The following PLAC1 variants were observed in gnomAD, a reference collection of about 807,000 sequenced individuals.
PLAC1 encodes the protein placenta associated 1.
For missense variants in PLAC1, 136 were observed against 163.2 expected (o/e 0.83, Z 0.91); for synonymous variants, 68 against 62.1 (o/e 1.09, Z -0.44).
intron 2 of PLAC1, among the ~76,000 whole-genome samples, chrX:134,575,012 C>G (rs769690043): frequency 1.0e-3 from 114 of 111,436 alleles, no homozygotes; most frequent in Middle Eastern, 4.6e-3. Flanking sequence ...TACACAGATA[C>G]AGAAATCAGA....
chrX:134,588,288 T>C (rs746127576), intron 2 of PLAC1, among the ~76,000 whole-genome samples: 1 of 57,043 alleles, frequency 1.8e-5, no homozygotes, highest in East Asian at 4.5e-4. Context: ...TAGAACTCTT[T>C]ATTTTATTTA....
chrX:134,638,923 C>A (rs762597958), intron 1 of PLAC1, among the ~76,000 whole-genome samples: 4 of 111,123 alleles, frequency 3.6e-5, no homozygotes, highest in Admixed American at 9.6e-5. Flanking sequence ...TTTTTTGATC[C>A]TCACACTCCT....
At chrX:134,714,179 C>T (rs2078636561) in intron 2 of PLAC1, among the ~76,000 whole-genome samples, 1 of 111,951 alleles carries the variant, frequency 8.9e-6, no homozygotes, top group African/African-American at 3.3e-5. Context: ...GGCTTTGGGG[C>T]TCACCTAGGG....
chrX:134,712,161 T>A (rs1301641107), intron 2 of PLAC1, among the ~76,000 whole-genome samples: 4 of 111,270 alleles, frequency 3.6e-5, no homozygotes, highest in Non-Finnish European at 5.7e-5. Flanking sequence ...CATCATTTAT[T>A]CTATTTTCAT....
At chrX:134,740,354 A>G (rs2078714333) in intron 1 of PLAC1, among the ~76,000 whole-genome samples, 1 of 110,345 alleles carries the variant, frequency 9.1e-6, no homozygotes, top group Admixed American at 9.7e-5. Flanking sequence ...ATAGAATACT[A>G]TACTGCAATG....
intron 2 of PLAC1, among the ~76,000 whole-genome samples, chrX:134,594,683 G>C (rs762808104): frequency 1.8e-5 from 2 of 110,903 alleles, no homozygotes; most frequent in Non-Finnish European, 3.8e-5. Flanking sequence ...TTTGATGTCT[G>C]CAGGGTTTGT....
chrX:134,749,744 C>G (rs2078736784), intron 1 of PLAC1, among the ~76,000 whole-genome samples: 1 of 111,859 alleles, frequency 8.9e-6, no homozygotes, highest in African/African-American at 3.3e-5. Context: ...AATTTTTCTC[C>G]TTTCCCACAA....
chrX:134,761,982 C>A (rs775686546), intron 1 of PLAC1, among the ~76,000 whole-genome samples: 1 of 111,678 alleles, frequency 9.0e-6, no homozygotes, highest in East Asian at 2.8e-4. Context: ...ACTTTTGAAG[C>A]GCCCTCTAAT....
intron 1 of PLAC1, among the ~76,000 whole-genome samples, chrX:134,651,668 C>T (rs1157522904): frequency 9.0e-6 from 1 of 110,602 alleles, no homozygotes; most frequent in Non-Finnish European, 1.9e-5. Context: ...TCTGGCGTCC[C>T]TCTTCTCTCC....
chrX:134,735,658 AAGAGAGAG>A (rs369034725), intron 1 of PLAC1, among the ~76,000 whole-genome samples: 1 of 105,827 alleles, frequency 9.4e-6, no homozygotes, highest in Non-Finnish European at 2.0e-5. Flanking sequence ...AAGAGAGAGG[AAGAGAGAG>A]AGAGAGAGAG....
chrX:134,663,473 C>T (rs2078424537), intron 2 of PLAC1, among the ~76,000 whole-genome samples: 1 of 112,890 alleles, frequency 8.9e-6, no homozygotes, highest in Admixed American at 9.3e-5. Flanking sequence ...CACGTGTGCA[C>T]ACGTGCAGAT....
At chrX:134,741,830 A>G (rs1287837348) in intron 1 of PLAC1, among the ~76,000 whole-genome samples, 2 of 111,169 alleles carry the variant, frequency 1.8e-5, no homozygotes, top group African/African-American at 6.5e-5. Context: ...ACTCTCTCCA[A>G]TCCCAGGCAG....
upstream of PLAC1, among the ~76,000 whole-genome samples, chrX:134,662,030 G>A (rs1471379970): frequency 8.9e-6 from 1 of 111,933 alleles, no homozygotes; most frequent in Non-Finnish European, 1.9e-5. Flanking sequence ...CTCAAGCTGA[G>A]GAGTTCCAGA....
At chrX:134,668,800 T>A (rs17317828) in intron 2 of PLAC1, among the ~76,000 whole-genome samples, 1,501 of 112,747 alleles carry the variant, frequency 0.013, 7 homozygotes, top group Non-Finnish European at 0.022. Context: ...TGGGGCAGGA[T>A]GGGCTAAGTG....
chrX:134,587,960 A>C (rs2078014107), intron 2 of PLAC1, among the ~76,000 whole-genome samples: 2 of 111,859 alleles, frequency 1.8e-5, no homozygotes, highest in Admixed American at 9.5e-5. Context: ...AGAATAAAAC[A>C]ACTGTCAAGA....
chrX:134,640,664 C>T (rs753055930), intron 1 of PLAC1, among the ~76,000 whole-genome samples: 2 of 111,875 alleles, frequency 1.8e-5, no homozygotes, highest in East Asian at 2.8e-4. Context: ...AGCATAGTAG[C>T]CAGGAAAGTT....
rs149151271 is a variant in PLAC1, at chrX:134,612,612, A to G, written c.-130-10490T>C. Among the ~76,000 whole-genome samples, 831 of 112,037 alleles carry G rather than the reference A, an allele frequency of 7.4e-3. 11 individuals carry two copies. Among genetic ancestry groups the G allele is most frequent in the African/African-American group, 0.024 (749 of 30,865 alleles). ...TTTGTATATAAGGAAATATATCTAT[A>G]TAGAAACATACATAAGGAAATACAC... On this transcript the variant is annotated intron_variant, in intron 1 of 2. Coordinates refer to ENST00000359237, the MANE Select transcript of PLAC1 (RefSeq NM_021796.4).
intron 1 of PLAC1, among the ~76,000 whole-genome samples, chrX:134,615,585 G>A (rs1008428849): frequency 1.8e-5 from 2 of 111,577 alleles, no homozygotes; most frequent in Non-Finnish European, 3.8e-5. Flanking sequence ...CTTTTAGCTC[G>A]ATGTAGTCTC....
At chrX:134,668,755 G>T (rs892755248) in intron 2 of PLAC1, among the ~76,000 whole-genome samples, 3 of 112,656 alleles carry the variant, frequency 2.7e-5, no homozygotes, top group Non-Finnish European at 3.8e-5. Flanking sequence ...GACCGGGAAA[G>T]ACTTCCTTCT....
Sources: allele counts gnomAD v4.1 joint callset (sites outside exome capture counted in the v4.1 genomes callset), GRCh38; gene constraint gnomAD v4.1.1; transcripts MANE v1.5; gene names NCBI Gene and HGNC (gene_info 2026-07-23, HGNC 2026-07-21).